The following GAS2L2 variants were observed in gnomAD, a reference collection of about 807,000 sequenced individuals.
The protein encoded by GAS2L2 is growth arrest specific 2 like 2, also known as GAS2-like protein 2.
GAS2L2 carries 21 observed loss-of-function variants against 35.2 expected under a neutral mutation model. The observed-to-expected ratio is 0.60, with a 90% CI of 0.42 to 0.86. The LOEUF is 0.86. Among genes scored for constraint, GAS2L2 ranks in the 40% least tolerant of loss-of-function variants. The probability of loss-of-function intolerance (pLI) is 0.00; values close to 1 mark genes in which losing one functional copy is unlikely to be tolerated. For missense variants in GAS2L2, 1,169 were observed against 1,144.4 expected, an observed-to-expected ratio of 1.02 and a Z score of -0.31; for synonymous variants, 490 against 473.2, an observed-to-expected ratio of 1.04 and a Z score of -0.46.
In GAS2L2 at chr17:35,744,611, G is replaced by A. The variant is rs1426970095; in HGVS notation, c.*243C>T. 1.1e-5 allele frequency: 6 copies of A among 530,664 alleles called. No homozygotes were observed. The highest frequency in any genetic ancestry group is 2.0e-5 in the Non-Finnish European group (6 of 297,692). 32.9% of individuals were successfully genotyped at this position (530,664 alleles called of 1,614,324 possible). ...CCAGGAGTGTGGTGAGCCGTTCTAG[G>A]GGAGAGTAATGAGATACAGGATGGT... On this transcript the variant is annotated 3_prime_UTR_variant, in exon 6 of 6. Transcript: ENST00000604641.
rs1555599939 is a variant in GAS2L2, at chr17:35,752,667, C to G, written c.184G>C (p.Gly62Arg). ...TTGGCGTGTTGGCACAGCACCAGGC[C>G]CGTTTCCAGCACCTGCAGGAAGTTG... ...AANFLQVLET[G>R]LVLCQHANVV... Residue 62 changes from glycine to arginine, a missense_variant, in exon 1 of 6, where the codon GGC becomes CGC. By Grantham distance (125) the Gly-to-Arg change is moderately radical. Transcript: ENST00000604641. 1 of 1,614,108 alleles carries G rather than the reference C, an allele frequency of 6.2e-7. No individual in the cohort carries two copies. Among genetic ancestry groups the G allele is most frequent in the Admixed American group, 1.7e-5 (1 of 60,022 alleles).
chr17:35,745,699 TGGC>T lies in GAS2L2; in HGVS notation c.1795_1797del (p.Ala599del). ...ATCTCCTCTTCAAGGCTACAGTAGA[TGGC>T]TTGCTCCTTGTTCCCGCCCAAGGGC... On this transcript the variant is annotated inframe_deletion, in exon 6 of 6. Coordinates refer to ENST00000604641, the MANE Select transcript of GAS2L2 (RefSeq NM_139285.4). The T allele has an allele frequency of 1.2e-6, 2 of 1,613,988 alleles. No homozygotes were observed. The highest frequency in any genetic ancestry group is 1.1e-5 in the South Asian group (1 of 91,090).
In GAS2L2 at chr17:35,745,606, G is replaced by A; in HGVS notation, c.1891C>T (p.Pro631Ser). The A allele has an allele frequency of 1.2e-6, 2 of 1,613,918 alleles. No individual in the cohort carries two copies. Among genetic ancestry groups the A allele is most frequent in the African/African-American group, 1.3e-5 (1 of 75,052 alleles). ...CTGGGGATGTAGACCCCACTGCGAG[G>A]GATGACCCCAGACCTTGTGCCCTGC... is the stretch of plus-strand genomic sequence containing the variant. ...CPQGTRSGVI[P>S]RSGVYIPRLA... Residue 631 changes from proline to serine, a missense_variant, in exon 6 of 6, where the codon CCT (proline) becomes TCT (serine). Around this residue, in one of 3 missense-constraint regions of GAS2L2, gnomAD observed 1,035 missense variants for 976.5 expected, o/e 1.06. Coordinates refer to ENST00000604641, the MANE Select transcript of GAS2L2 (RefSeq NM_139285.4).
chr17:35,753,009 G>T lies in GAS2L2; in HGVS notation c.-159C>A. On this transcript the variant is annotated 5_prime_UTR_variant, in exon 1 of 6. Coordinates refer to ENST00000604641, the MANE Select transcript of GAS2L2 (RefSeq NM_139285.4). ...CCTCCAGTGCTGCTACTTGCCACTG[G>T]CTTCAGCTGCCAGGCCTGGCCCAGC... The T allele has an allele frequency of 1.3e-6, 1 of 751,676 alleles. No individual in the cohort carries two copies. 46.6% of individuals were successfully genotyped at this position (751,676 alleles called of 1,614,324 possible). A position where few individuals can be genotyped will look rare whatever the true frequency, so the allele number is the denominator to read the frequency against.
In GAS2L2 at chr17:35,749,128, G is replaced by C; in HGVS notation, c.717C>G (p.Asn239Lys). ...SEGKYRVGDS[N>K]TLIFIRILRN... ...GACTTACCCGGATGAAGATGAGGGT[G>C]TTGGAGTCACCCACACGGTACTTCC... The change falls in exon 3 of 6, where the codon AAC becomes AAG. Residue 239 changes from asparagine to lysine, a missense_variant. Physicochemically the swap from Asn to Lys is moderately conservative, Grantham distance 94. Around this residue, in one of 3 missense-constraint regions of GAS2L2, gnomAD observed 1,035 missense variants for 976.5 expected, o/e 1.06. Coordinates refer to ENST00000604641, the MANE Select transcript of GAS2L2 (RefSeq NM_139285.4). The C allele has an allele frequency of 6.2e-7, 1 of 1,613,026 alleles. No individual in the cohort carries two copies. Among genetic ancestry groups the C allele is most frequent in the Non-Finnish European group, 8.5e-7 (1 of 1,179,020 alleles).
rs782733639 is a variant in GAS2L2, at chr17:35,745,977, A to G, written c.1520T>C (p.Leu507Pro). The G allele has an allele frequency of 1.9e-6, 3 of 1,599,806 alleles. No individual in the cohort carries two copies. Among genetic ancestry groups the G allele is most frequent in the Admixed American group, 3.4e-5 (2 of 59,226 alleles). Reference protein sequence around the residue: ...VQGLTKIPIRLPPARPPTPGR... With the variant: ...VQGLTKIPIRPPPARPPTPGR... The stretch of plus-strand genomic sequence containing the variant: ...TGGTGTTGGGGGGCGAGCAGGGGGC[A>G]GCCGGATGGGGATCTTGGTTAGGCC... Residue 507 changes from leucine to proline, a missense_variant, in exon 6 of 6, where the codon CTG becomes CCG. Leu to Pro is a moderately conservative substitution (Grantham distance 98). Transcript: ENST00000604641.
chr17:35,744,950 G>A lies in GAS2L2; in HGVS notation c.2547C>T (p.Ala849=), dbSNP rs782629012. ...GTTGGGGGCTGCTCTCCAATGGAGC[G>A]GCTGGCTCTTTCTCCTCCTTTCCTT... ...EEEGKEEKEP[A]APLESSPQPP... The change falls in exon 6 of 6, where the codon GCC becomes GCT. Residue 849 remains alanine (A), a synonymous_variant. Transcript: ENST00000604641. 1.4e-5 allele frequency: 23 copies of A among 1,613,856 alleles called. No homozygotes were observed. Among genetic ancestry groups the A allele is most frequent in the South Asian group, 3.3e-5 (3 of 91,070 alleles).
rs2085651966 is a variant in GAS2L2 at position 35,744,759 on chromosome 17, G to A, written c.*95C>T. The stretch of plus-strand genomic sequence containing the variant: ...ACTCCTGCCCAAGGCCCTGTGTGGA[G>A]GTGAGGGAACATCCCTTCTGTTCCC... On this transcript the variant is annotated 3_prime_UTR_variant, in exon 6 of 6. Coordinates refer to ENST00000604641, the MANE Select transcript of GAS2L2 (RefSeq NM_139285.4). 2.1e-6 allele frequency: 2 copies of A among 953,384 alleles called. No individual in the cohort carries two copies. The highest frequency in any genetic ancestry group is 1.6e-5 in the African/African-American group (1 of 61,052). The allele number at this position is 953,384 out of a possible 1,614,324, so 59.1% of individuals were successfully genotyped here.
rs1474640911 is a variant in GAS2L2 at position 35,747,311 on chromosome 17, A to G, written c.833-43T>C. 3.2e-6 allele frequency: 5 copies of G among 1,546,732 alleles called. No individual in the cohort carries two copies. In the East Asian group the frequency reaches 1.1e-4, roughly 35 times the overall value. ...GAGAAAGGAGAGGAGAGAAGGGTTCAGTTCCTGCCAATGGGGACCATTGTT... is the reference window on the plus strand; with the variant it reads ...GAGAAAGGAGAGGAGAGAAGGGTTCGGTTCCTGCCAATGGGGACCATTGTT... On this transcript the variant is annotated intron_variant, in intron 4 of 5. Transcript: ENST00000604641.
chr17:35,747,305 G>T, intron 4 of GAS2L2, 37 bp from the exon 5 acceptor site: 1 of 1,569,344 alleles, frequency 6.4e-7, no homozygotes. Flanking sequence ...GAGGAGAGAA[G>T]GGTTCAGTTC....
At position 35,745,234 on chromosome 17, in the gene GAS2L2, G is replaced by C. The variant is rs147442768; in HGVS notation, c.2263C>G (p.Leu755Val). ...CGGAGAGTTCTCCTGCCCTTGCTCAGACATGCCTTGGCTTTGTCAGAGTTG... is the reference window on the plus strand; with the variant it reads ...CGGAGAGTTCTCCTGCCCTTGCTCACACATGCCTTGGCTTTGTCAGAGTTG... ...DPNSDKAKAC[L>V]SKGRRTLRKP... The change falls in exon 6 of 6, where the codon CTG becomes GTG. Residue 755 changes from leucine to valine, a missense_variant. Physicochemically the swap from Leu to Val is conservative, Grantham distance 32 (BLOSUM62 1). This residue lies in a region of GAS2L2 where 1,035 missense variants were observed against 976.5 expected (regional missense o/e 1.06). Transcript: ENST00000604641. 6 of 1,606,286 alleles carry C rather than the reference G, an allele frequency of 3.7e-6. No homozygotes were observed. Among genetic ancestry groups the C allele is most frequent in the African/African-American group, 2.7e-5 (2 of 74,904 alleles).
In GAS2L2 at chr17:35,747,919, A is replaced by C. The variant is rs1489167474; in HGVS notation, c.762T>G (p.Arg254=). The C allele has an allele frequency of 1.2e-6, 2 of 1,613,550 alleles. No individual in the cohort carries two copies. Among genetic ancestry groups the C allele is most frequent in the African/African-American group, 2.7e-5 (2 of 74,834 alleles). The change falls in exon 4 of 6, where the codon CGT becomes CGG. Residue 254 remains arginine (R), a synonymous_variant. Coordinates refer to ENST00000604641, the MANE Select transcript of GAS2L2 (RefSeq NM_139285.4). ...IRILRNHVMV[R]VGGGWDTLGH... is the part of the protein sequence containing the mutation. ...CCAGTGTGTCCCAGCCGCCCCCTAC[A>C]CGTACCATCACATGGTTCCGGAGGA...
At chr17:35,749,897 C>G (rs1307668786) in intron 2 of GAS2L2, among the ~76,000 whole-genome samples, 180 bp downstream of exon 2, 1 of 151,598 alleles carries the variant, frequency 6.6e-6, no homozygotes, top group Non-Finnish European at 1.5e-5. Flanking sequence ...AATTACTACG[C>G]GTGGTTAGGG....
chr17:35,752,312 G>A (rs1052020006), intron 1 of GAS2L2, among the ~76,000 whole-genome samples, 154 bp downstream of exon 1: 1 of 152,176 alleles, frequency 6.6e-6, no homozygotes, highest in Admixed American at 6.5e-5. Context: ...CTATGAGGTG[G>A]GGAAACTGAG....
chr17:35,749,750 G>C (rs1555599495), intron 2 of GAS2L2, among the ~76,000 whole-genome samples: 1 of 152,224 alleles, frequency 6.6e-6, no homozygotes, highest in African/African-American at 2.4e-5. Flanking sequence ...CTGCAAAGCA[G>C]TGGAACTAAG....
chr17:35,750,642 C>T (rs2143022610), intron 1 of GAS2L2, among the ~76,000 whole-genome samples: 1 of 152,238 alleles, frequency 6.6e-6, no homozygotes, highest in East Asian at 1.9e-4. Context: ...ATGAACTCCA[C>T]CTTCCCCTCT....
chr17:35,745,724 G>A lies in GAS2L2; in HGVS notation c.1773C>T (p.Pro591=). ...QEQEGRYTPL[P]LGGNKEQAIY... is the part of the protein sequence containing the mutation. ...TGGCTTGCTCCTTGTTCCCGCCCAA[G>A]GGCAGAGGTGTGTACCGCCCCTCCT... is the stretch of plus-strand genomic sequence containing the variant. Residue 591 remains proline, a synonymous_variant, in exon 6 of 6, where the codon CCC becomes CCT. Transcript: ENST00000604641. 1 of 1,613,912 alleles carries A rather than the reference G, an allele frequency of 6.2e-7. No individual in the cohort carries two copies. The highest frequency in any genetic ancestry group is 8.5e-7 in the Non-Finnish European group (1 of 1,180,044).
At chr17:35,748,020 G>A in intron 3 of GAS2L2, 75 bp from the exon 4 acceptor site, 1 of 1,089,804 alleles carries the variant, frequency 9.2e-7, no homozygotes, top group East Asian at 2.4e-5. Flanking sequence ...CGGGCTTCCG[G>A]CACTCACTCA....
In GAS2L2 at chr17:35,744,608, T is replaced by C; in HGVS notation, c.*246A>G. 1.9e-6 allele frequency: 1 copy of C among 526,636 alleles called. No individual in the cohort carries two copies. The highest frequency in any genetic ancestry group is 3.4e-6 in the Non-Finnish European group (1 of 295,214). The allele number at this position is 526,636 out of a possible 1,614,324, so 32.6% of individuals were successfully genotyped here. A position where few individuals can be genotyped will look rare whatever the true frequency, so the allele number is the denominator to read the frequency against. On this transcript the variant is annotated 3_prime_UTR_variant, in exon 6 of 6. Transcript: ENST00000604641. The stretch of plus-strand genomic sequence containing the variant: ...AGGCCAGGAGTGTGGTGAGCCGTTC[T>C]AGGGGAGAGTAATGAGATACAGGAT...
Sources: allele counts gnomAD v4.1 joint callset (sites outside exome capture counted in the v4.1 genomes callset), GRCh38; gene constraint gnomAD v4.1.1; regional missense constraint gnomAD v4.1.1; transcripts MANE v1.5; gene names NCBI Gene and HGNC (gene_info 2026-07-23, HGNC 2026-07-21).